RNF157: variants seen among roughly 807,000 people sequenced by gnomAD.
RNF157 encodes the protein E3 ubiquitin ligase RNF157.
Under a neutral mutation model 88.3 loss-of-function variants are expected in RNF157, and 55 were observed. The ratio of observed to expected loss-of-function variants is 0.62; its 90% CI spans 0.50 to 0.78. The LOEUF is 0.78. RNF157 is among the 30% of genes least tolerant of loss of function. The pLI is 0.00. For missense variants in RNF157, 788 were observed against 860.8 expected (o/e 0.92, Z 1.06); for synonymous variants, 334 against 341.2 (o/e 0.98, Z 0.23).
At chr17:76,193,344 G>A (rs921974101) in intron 2 of RNF157, among the ~76,000 whole-genome samples, 2 of 152,150 alleles carry the variant, frequency 1.3e-5, no homozygotes, top group African/African-American at 4.8e-5. Flanking sequence ...AACTTGTAAT[G>A]CTATTTTGAA....
chr17:76,230,648 A>G (rs922902389), intron 1 of RNF157, among the ~76,000 whole-genome samples: 1 of 151,448 alleles, frequency 6.6e-6, no homozygotes, highest in African/African-American at 2.4e-5. Flanking sequence ...GACCAGCCTG[A>G]CCAACATGGT....
At chr17:76,156,576 A>T in intron 13 of RNF157, 1 of 967,160 alleles carries the variant, frequency 1.0e-6, no homozygotes, top group African/African-American at 1.8e-5. Context: ...CTGCGGCCAT[A>T]CAAAGACTGC....
intron 16 of RNF157, 83 bp downstream of exon 16, chr17:76,155,169 C>A: frequency 8.1e-7 from 1 of 1,234,966 alleles, no homozygotes; most frequent in Non-Finnish European, 1.2e-6. Flanking sequence ...CCTCCTGGCC[C>A]TGGTCCTTAC....
chr17:76,231,518 A>G (rs2070193075), intron 1 of RNF157, among the ~76,000 whole-genome samples: 1 of 152,104 alleles, frequency 6.6e-6, no homozygotes, highest in East Asian at 1.9e-4. Context: ...GGCTGGTCTC[A>G]AACTCCTAAC....
Position 76,182,837 on chromosome 17 carries a change from G to C in RNF157, c.208-9047C>G, listed in dbSNP as rs150691176. ...TATATATCCTATATATCCTATATAT[G>C]ATATATAGGATATATAGGATATATA... On this transcript the variant is annotated intron_variant, in intron 2 of 18. Transcript: ENST00000269391. Among the ~76,000 whole-genome samples, 27 of 79,084 alleles carry C rather than the reference G, an allele frequency of 3.4e-4. No homozygotes were observed. The East Asian group carries it at 7.0e-3, about 20-fold the overall frequency. 51.9% of individuals were successfully genotyped at this position (79,084 alleles called of 152,430 possible).
At position 76,161,655 on chromosome 17, in the gene RNF157, G is replaced by A. The variant is rs747854832; in HGVS notation, c.953-8C>T. 1 of 1,609,834 alleles carries A rather than the reference G, an allele frequency of 6.2e-7. No homozygotes were observed. Among genetic ancestry groups the A allele is most frequent in the Middle Eastern group, 1.7e-4 (1 of 6,034 alleles). ...GAAGCAGTGCCCGGAAGGCTGTGAAGGAGAAAACAGGCAATCAGGACATCC... is the reference window on the plus strand; with the variant it reads ...GAAGCAGTGCCCGGAAGGCTGTGAAAGAGAAAACAGGCAATCAGGACATCC... On this transcript the variant is annotated splice_region_variant and splice_polypyrimidine_tract_variant and intron_variant, in intron 10 of 18. Coordinates refer to ENST00000269391, the MANE Select transcript of RNF157 (RefSeq NM_052916.3). This position sits in a 1 kb window ranked among gnomAD's most constrained non-coding sequence, Gnocchi z 4.6.
intron 13 of RNF157, 68 bp downstream of exon 13, chr17:76,158,325 G>C: frequency 1.0e-6 from 1 of 1,003,682 alleles, no homozygotes; most frequent in South Asian, 1.3e-5. Flanking sequence ...GGGACCTGAT[G>C]AGGCATGCAG....
At chr17:76,188,162 G>A (rs962492750) in intron 2 of RNF157, among the ~76,000 whole-genome samples, 2 of 152,116 alleles carry the variant, frequency 1.3e-5, no homozygotes, top group Non-Finnish European at 2.9e-5. Flanking sequence ...AAATGCAGTG[G>A]CTAGAACTTT....
chr17:76,148,967 A>T (rs1196674086), intron 18 of RNF157, among the ~76,000 whole-genome samples: 1 of 151,852 alleles, frequency 6.6e-6, no homozygotes, highest in East Asian at 1.9e-4. Flanking sequence ...AGTCTGCCAA[A>T]CTCCTCAGAG....
At chr17:76,152,188 T>C (rs2068688575) in intron 18 of RNF157, among the ~76,000 whole-genome samples, 167 bp downstream of exon 18, 4 of 152,320 alleles carry the variant, frequency 2.6e-5, no homozygotes, top group East Asian at 1.9e-4. Context: ...TCAAGGACTC[T>C]CCCAGGCCTT....
intron 1 of RNF157, among the ~76,000 whole-genome samples, chr17:76,229,773 C>T (rs1484748911): frequency 6.6e-6 from 1 of 152,136 alleles, no homozygotes; most frequent in Non-Finnish European, 1.5e-5. Context: ...CGTATGGGTG[C>T]TTCTGTTGCT....
rs2068582450 is a variant in RNF157 at position 76,146,166 on chromosome 17, T to C, written c.1922-813A>G. On this transcript the variant is annotated intron_variant, in intron 18 of 18. Coordinates refer to ENST00000269391, the MANE Select transcript of RNF157 (RefSeq NM_052916.3). This position sits in a 1 kb window ranked among gnomAD's most constrained non-coding sequence, Gnocchi z 4.2. The stretch of plus-strand genomic sequence containing the variant: ...CCTGTGGGCTCACTTCCTGGCCGTG[T>C]TGTGACTCCATCTGTAGTCACGCTA... 6.0e-6 allele frequency: 1 copy of C among 167,258 alleles called. No homozygotes were observed. Among genetic ancestry groups the C allele is most frequent in the South Asian group, 2.0e-4 (1 of 5,106 alleles). The allele number at this position is 167,258 out of a possible 1,614,324, so 10.4% of individuals were successfully genotyped here. A position where few individuals can be genotyped will look rare whatever the true frequency, so the allele number is the denominator to read the frequency against.
chr17:76,201,323 CA>C lies in RNF157; in HGVS notation c.207+11040del, dbSNP rs780243656. Among the ~76,000 whole-genome samples the C allele has an allele frequency of 4.8e-3, 287 of 59,648 alleles. 1 individual carries two copies. Among genetic ancestry groups the C allele is most frequent in the East Asian group, 0.013 (25 of 1,870 alleles). The allele number at this position is 59,648 out of a possible 152,430, so 39.1% of individuals were successfully genotyped here. ...CAACATAGTGAGACCCTAGTCTCTACAAAAAAAAAAAAAAAAAGAGAAAAAG... is the reference window on the plus strand; with the variant it reads ...CAACATAGTGAGACCCTAGTCTCTACAAAAAAAAAAAAAAAAGAGAAAAAG... On this transcript the variant is annotated intron_variant, in intron 2 of 18. Coordinates refer to ENST00000269391, the MANE Select transcript of RNF157 (RefSeq NM_052916.3).
chr17:76,150,493 C>A (rs551470870), intron 18 of RNF157, among the ~76,000 whole-genome samples: 1 of 152,252 alleles, frequency 6.6e-6, no homozygotes, highest in African/African-American at 2.4e-5. Flanking sequence ...CCCAGCAGCT[C>A]CCTCTGCCAA....
intron 3 of RNF157, among the ~76,000 whole-genome samples, chr17:76,173,111 C>T (rs1343926984): frequency 6.6e-6 from 1 of 151,944 alleles, no homozygotes; most frequent in African/African-American, 2.4e-5. Context: ...ATGGTGAAAC[C>T]CCGTCTCTAT....
chr17:76,187,721 G>A (rs913218059), intron 2 of RNF157, among the ~76,000 whole-genome samples: 15 of 152,076 alleles, frequency 9.9e-5, no homozygotes, highest in South Asian at 2.1e-4. Flanking sequence ...AGCTTCTCGA[G>A]TAGCTGGGAT....
intron 2 of RNF157, among the ~76,000 whole-genome samples, chr17:76,174,890 G>A (rs907295966): frequency 2.6e-5 from 4 of 152,156 alleles, no homozygotes; most frequent in African/African-American, 9.7e-5. Context: ...TGGGCATGAT[G>A]CAGTAATTTA....
Position 76,161,343 on chromosome 17 carries a change from G to C in RNF157, c.1065+192C>G, listed in dbSNP as rs2068841102. ...GACACCAAGTTCCCAAGGAGGAAAA[G>C]GGAGGTTTTCAGTATTCAATTTTCC... On this transcript the variant is annotated intron_variant, in intron 11 of 18. Transcript: ENST00000269391. The surrounding 1 kb of genome is among the most constrained non-coding windows in gnomAD (Gnocchi z 4.6). Among the ~76,000 whole-genome samples, 1 of 152,116 alleles carries C rather than the reference G, an allele frequency of 6.6e-6. No individual in the cohort carries two copies. Among genetic ancestry groups the C allele is most frequent in the Admixed American group, 6.6e-5 (1 of 15,258 alleles).
chr17:76,165,726 G>A (rs528632346), intron 6 of RNF157, among the ~76,000 whole-genome samples, 181 bp from the exon 7 acceptor site: 4 of 152,070 alleles, frequency 2.6e-5, no homozygotes, highest in Admixed American at 2.0e-4. Flanking sequence ...TGCCTGGGCT[G>A]GAGTGCGGTG....
Sources: gnomAD v4.1 joint callset for allele counts (sites outside exome capture counted in the v4.1 genomes callset) on GRCh38, gnomAD v4.1.1 for gene constraint, Gnocchi (gnomAD v3.1) non-coding constraint, MANE v1.5 for transcripts, NCBI Gene and HGNC (gene_info 2026-07-23, HGNC 2026-07-21) for gene names.